TTC23L: variants seen among roughly 807,000 people sequenced by gnomAD.
TTC23L encodes the protein tetratricopeptide repeat domain 23 like, also known as tetratricopeptide repeat protein 23-like.
Under a neutral mutation model 48.1 loss-of-function variants are expected in TTC23L, and 42 were observed. That is an observed-to-expected ratio of 0.87 (90% CI 0.68 to 1.13). The LOEUF is 1.13. Ranked by LOEUF, TTC23L falls within the 50% of genes most tolerant of loss-of-function variation. The pLI is 0.00. For missense variants in TTC23L, 391 were observed against 421.0 expected (o/e 0.93, Z 0.62); for synonymous variants, 159 against 157.2 (o/e 1.01, Z -0.09).
At chr5:34,900,652 C>T (rs1214947973), downstream of TTC23L, among the ~76,000 whole-genome samples, 1 of 152,236 alleles carries the variant, frequency 6.6e-6, no homozygotes, top group African/African-American at 2.4e-5. Flanking sequence ...ACATATCAAG[C>T]AATTCAGCTT....
At chr5:34,917,188 T>C in the TTC23L span, among the ~76,000 whole-genome samples, 901 of 151,920 alleles carry the variant, frequency 5.9e-3, 8 homozygotes, top group African/African-American at 0.021. Context: ...TGCTGAAAAA[T>C]GTAAAAAATA....
the TTC23L span, chr5:34,925,428 G>A: frequency 6.2e-7 from 1 of 1,613,792 alleles, no homozygotes; most frequent in South Asian, 1.1e-5. Flanking sequence ...TTGAAAGCAA[G>A]AAAGAAACGG....
intron 2 of TTC23L, 54 bp downstream of exon 2, chr5:34,840,793 G>A (rs1758594813): frequency 6.4e-6 from 10 of 1,555,804 alleles, no homozygotes; most frequent in Non-Finnish European, 8.9e-6. Context: ...GAAACACTGG[G>A]ACCTCCTGCT....
At chr5:34,888,375 G>T (rs1388922591) in intron 9 of TTC23L, 1 of 460,338 alleles carries the variant, frequency 2.2e-6, no homozygotes. Flanking sequence ...CAGTTCCGCT[G>T]GTCCTTTCCT....
intron 6 of TTC23L, 122 bp downstream of exon 6, chr5:34,864,684 C>T (rs978721653): frequency 4.0e-6 from 5 of 1,261,582 alleles, no homozygotes; most frequent in Non-Finnish European, 5.3e-6. Context: ...AAAAGAGGCT[C>T]ATATTTACCA....
At chr5:34,851,681 G>A (rs1027456506) in intron 4 of TTC23L, among the ~76,000 whole-genome samples, 14 of 152,290 alleles carry the variant, frequency 9.2e-5, no homozygotes, top group African/African-American at 2.4e-4. Context: ...CCCTAGTGGC[G>A]TTCCGTGCTT....
the TTC23L span, among the ~76,000 whole-genome samples, chr5:34,923,872 TGTTA>T: frequency 6.6e-6 from 1 of 152,204 alleles, no homozygotes; most frequent in Non-Finnish European, 1.5e-5. Context: ...TATTCATGAC[TGTTA>T]GTTGATACAG....
At chr5:34,924,724 AC>A in the TTC23L span, 1 of 588,638 alleles carries the variant, frequency 1.7e-6, no homozygotes, top group Non-Finnish European at 3.0e-6. Flanking sequence ...ACCAAGTTTC[AC>A]CCCCACCTTG....
intron 4 of TTC23L, among the ~76,000 whole-genome samples, chr5:34,858,817 G>A (rs1441417175): frequency 1.3e-5 from 2 of 152,116 alleles, no homozygotes; most frequent in South Asian, 4.1e-4. Flanking sequence ...TCCCTTTAGG[G>A]CTTAAAATAT....
the TTC23L span, chr5:34,908,592 A>C: frequency 1.8e-6 from 1 of 555,582 alleles, no homozygotes; most frequent in African/African-American, 1.9e-5. Flanking sequence ...TGCCCTCTAC[A>C]AAATGGATTT....
chr5:34,914,463 A>G, the TTC23L span: 1 of 542,352 alleles, frequency 1.8e-6, no homozygotes, highest in African/African-American at 1.9e-5. Flanking sequence ...ACTAACCATT[A>G]TCTCTGTAAA....
intron 4 of TTC23L, among the ~76,000 whole-genome samples, chr5:34,858,747 G>T (rs1459426826): frequency 6.6e-6 from 1 of 152,070 alleles, no homozygotes; most frequent in African/African-American, 2.4e-5. Flanking sequence ...CATACCTGTA[G>T]AGTTCATGCA....
chr5:34,897,423 C>CAT (rs1341233585), intron 10 of TTC23L, among the ~76,000 whole-genome samples: 2 of 151,746 alleles, frequency 1.3e-5, no homozygotes, highest in Non-Finnish European at 2.9e-5. Flanking sequence ...AAAAAAAATA[C>CAT]ATATATATAC....
At chr5:34,864,747 C>A (rs1310676848) in intron 6 of TTC23L, among the ~76,000 whole-genome samples, 185 bp downstream of exon 6, 1 of 152,148 alleles carries the variant, frequency 6.6e-6, no homozygotes, top group Non-Finnish European at 1.5e-5. Context: ...TCACAACAGC[C>A]ATTGAGGTAG....
intron 9 of TTC23L, chr5:34,883,123 A>G (rs1490311082): frequency 6.6e-6 from 1 of 152,406 alleles, no homozygotes; most frequent in African/African-American, 2.4e-5. Flanking sequence ...TTTAGAAAAC[A>G]TGAAGATGTT....
In TTC23L at chr5:34,864,617, A is replaced by G. The variant is rs76003570; in HGVS notation, c.662+55A>G. 6,418 of 1,572,708 alleles carry G rather than the reference A, an allele frequency of 4.1e-3. 246 individuals carry two copies. In the African/African-American group the frequency reaches 0.08, roughly 20 times the overall value. On this transcript the variant is annotated intron_variant, in intron 6 of 10. Coordinates refer to ENST00000505624, the Ensembl canonical transcript of TTC23L. ...TTTTATGAATGAGGCTTGGAATTACATGATATAAGGGAGAAAAATATTTAG... is the reference window on the plus strand; with the variant it reads ...TTTTATGAATGAGGCTTGGAATTACGTGATATAAGGGAGAAAAATATTTAG...
chr5:34,914,773 G>A, the TTC23L span: 1 of 1,614,052 alleles, frequency 6.2e-7, no homozygotes, highest in African/African-American at 1.3e-5. Flanking sequence ...CGAAACACGT[G>A]GCATGTTCTC....
At chr5:34,886,115 C>T (rs957068044) in intron 9 of TTC23L, among the ~76,000 whole-genome samples, 1 of 152,092 alleles carries the variant, frequency 6.6e-6, no homozygotes, top group African/African-American at 2.4e-5. Flanking sequence ...AGTTTCCATT[C>T]CTTCATCTGT....
chr5:34,842,008 TG>T (rs1268371603), intron 2 of TTC23L, among the ~76,000 whole-genome samples: 2 of 152,230 alleles, frequency 1.3e-5, no homozygotes, highest in Non-Finnish European at 2.9e-5. Flanking sequence ...TGTCTCTAGA[TG>T]CTGCCAGATT....
Sources: gnomAD v4.1 joint callset for allele counts (sites outside exome capture counted in the v4.1 genomes callset) on GRCh38, gnomAD v4.1.1 for gene constraint, MANE v1.5 for transcripts, NCBI Gene and HGNC (gene_info 2026-07-23, HGNC 2026-07-21) for gene names.